ST8SIA5: variants seen among roughly 807,000 people sequenced by gnomAD.
ST8SIA5 encodes the protein ST8 alpha-N-acetyl-neuraminide alpha-2,8-sialyltransferase 5, also known as alpha-2,8-sialyltransferase 8E.
In ST8SIA5, 24 loss-of-function variants were observed where a neutral mutation model predicts 40.2. The ratio of observed to expected loss-of-function variants is 0.60; its 90% CI spans 0.43 to 0.84. The LOEUF (loss-of-function observed/expected upper bound fraction) is 0.84, where lower values mean the gene tolerates loss of function less well. Ranked by LOEUF, ST8SIA5 falls within the 40% of genes least tolerant of loss-of-function variation. The probability of loss-of-function intolerance (pLI) is 0.00; values close to 1 mark genes in which losing one functional copy is unlikely to be tolerated. For missense variants in ST8SIA5, 465 were observed against 498.5 expected, an observed-to-expected ratio of 0.93 and a Z score of 0.64; for synonymous variants, 198 against 201.8, an observed-to-expected ratio of 0.98 and a Z score of 0.16.
At chr18:46,745,109 A>C (rs1008413854) in intron 1 of ST8SIA5, among the ~76,000 whole-genome samples, 1 of 152,258 alleles carries the variant, frequency 6.6e-6, no homozygotes, top group African/African-American at 2.4e-5. Context: ...CACAAGAGAA[A>C]GCAGGAAAGA....
intron 1 of ST8SIA5, among the ~76,000 whole-genome samples, chr18:46,709,466 C>T (rs979955607): frequency 6.6e-6 from 1 of 152,154 alleles, no homozygotes; most frequent in African/African-American, 2.4e-5. Context: ...CCCAAAAGAA[C>T]TAAGATAGGA....
chr18:46,686,384 G>C, intron 4 of ST8SIA5, 98 bp from the exon 5 acceptor site: 2 of 918,728 alleles, frequency 2.2e-6, no homozygotes, highest in Non-Finnish European at 3.5e-6. Flanking sequence ...ATTAGCTCCT[G>C]GTCCCAAGAG....
intron 2 of ST8SIA5, among the ~76,000 whole-genome samples, chr18:46,695,703 T>C (rs375253528): frequency 1.6e-4 from 25 of 152,294 alleles, no homozygotes; most frequent in African/African-American, 6.0e-4. Context: ...GTAAATACCA[T>C]GGGGGCAGGG....
At chr18:46,686,538 G>A (rs1298362206) in intron 4 of ST8SIA5, among the ~76,000 whole-genome samples, 2 of 152,164 alleles carry the variant, frequency 1.3e-5, no homozygotes, top group Non-Finnish European at 2.9e-5. Context: ...TTTCCTCCTG[G>A]CACACAGCGG....
Position 46,676,410 on chromosome 18 carries a change from T to G in ST8SIA5, c.*3632A>C, listed in dbSNP as rs934860754. On this transcript the variant is annotated 3_prime_UTR_variant, in exon 7 of 7. Transcript: ENST00000315087. The stretch of plus-strand genomic sequence containing the variant: ...ACCATGCCTGGCACAACATGAGCAC[T>G]CAATAAATATAATTTATTCACCAAT... The G allele has an allele frequency of 1.3e-5, 2 of 152,266 alleles. No homozygotes were observed. Among genetic ancestry groups the G allele is most frequent in the African/African-American group, 2.4e-5 (1 of 41,474 alleles). The allele number at this position is 152,266 out of a possible 1,614,324, so 9.4% of individuals were successfully genotyped here.
chr18:46,733,669 G>C (rs2040006453), intron 1 of ST8SIA5, among the ~76,000 whole-genome samples: 1 of 152,176 alleles, frequency 6.6e-6, no homozygotes, highest in African/African-American at 2.4e-5. Flanking sequence ...GGCAGTCAGG[G>C]AGGCCTCTCT....
rs774843333 is a variant in ST8SIA5 at position 46,681,961 on chromosome 18, G to A, written c.662+11C>T. 1 of 1,613,374 alleles carries A rather than the reference G, an allele frequency of 6.2e-7. No homozygotes were observed. Among genetic ancestry groups the A allele is most frequent in the African/African-American group, 1.3e-5 (1 of 74,932 alleles). ...TTTGGACAGTGCAGCTCTAGAAAGAGGGCCACTGACCTCTCTGTGATGATG... is the reference window on the plus strand; with the variant it reads ...TTTGGACAGTGCAGCTCTAGAAAGAAGGCCACTGACCTCTCTGTGATGATG... On this transcript the variant is annotated intron_variant, in intron 6 of 6. Transcript: ENST00000315087.
chr18:46,749,789 AT>A (rs2040178999), intron 1 of ST8SIA5, among the ~76,000 whole-genome samples: 1 of 152,176 alleles, frequency 6.6e-6, no homozygotes, highest in African/African-American at 2.4e-5. Flanking sequence ...CAAAATTCCT[AT>A]GTTGAAATCG....
At chr18:46,708,812 C>G (rs746402771) in intron 1 of ST8SIA5, among the ~76,000 whole-genome samples, 1 of 152,184 alleles carries the variant, frequency 6.6e-6, no homozygotes, top group Admixed American at 6.5e-5. Context: ...CCTGCAGGGC[C>G]TCCTGTTTCT....
intron 1 of ST8SIA5, among the ~76,000 whole-genome samples, chr18:46,707,837 G>T (rs577047478): frequency 6.6e-6 from 1 of 152,300 alleles, no homozygotes; most frequent in East Asian, 1.9e-4. Flanking sequence ...GCAAGGAGAT[G>T]CTGTTTATGA....
rs1300994890 is a variant in ST8SIA5 at position 46,670,804 on chromosome 18, T to C, written c.*9238A>G. ...CTGTCGTTGAACAAGTAAACTAGTT[T>C]TGGTCTTCTTAATGCCATCACAATT... On this transcript the variant is annotated 3_prime_UTR_variant, in exon 7 of 7. Coordinates refer to ENST00000315087, the MANE Select transcript of ST8SIA5 (RefSeq NM_013305.6). 6.6e-6 allele frequency: 1 copy of C among 152,182 alleles called. No individual in the cohort carries two copies. Among genetic ancestry groups the C allele is most frequent in the African/African-American group, 2.4e-5 (1 of 41,446 alleles). 9.4% of individuals were successfully genotyped at this position (152,182 alleles called of 1,614,324 possible). A position where few individuals can be genotyped will look rare whatever the true frequency, so the allele number is the denominator to read the frequency against.
intron 2 of ST8SIA5, among the ~76,000 whole-genome samples, chr18:46,704,280 A>G (rs1054409582): frequency 2.6e-5 from 4 of 152,348 alleles, no homozygotes; most frequent in Admixed American, 6.5e-5. Context: ...AAGAGGAGCC[A>G]GTAATGATAA....
At chr18:46,740,184 T>C (rs1363767200) in intron 1 of ST8SIA5, among the ~76,000 whole-genome samples, 1 of 152,038 alleles carries the variant, frequency 6.6e-6, no homozygotes, top group South Asian at 2.1e-4. Flanking sequence ...AATTGATGAA[T>C]AGTCTGGCAA....
chr18:46,746,029 A>G (rs1239245465), intron 1 of ST8SIA5, among the ~76,000 whole-genome samples: 2 of 152,208 alleles, frequency 1.3e-5, no homozygotes, highest in Non-Finnish European at 2.9e-5. Flanking sequence ...CTTCATGCTA[A>G]AAACTCTCAA....
chr18:46,740,041 G>C (rs482351), intron 1 of ST8SIA5, among the ~76,000 whole-genome samples: 2 of 152,020 alleles, frequency 1.3e-5, no homozygotes, highest in African/African-American at 4.8e-5. Flanking sequence ...TTGATCCCAA[G>C]AACACTTCTC....
intron 1 of ST8SIA5, among the ~76,000 whole-genome samples, chr18:46,754,737 C>T (rs947527471): frequency 6.6e-6 from 1 of 152,200 alleles, no homozygotes; most frequent in Non-Finnish European, 1.5e-5. Context: ...GTTTGGTTGG[C>T]GTTTGCCATG....
chr18:46,694,000 A>G (rs2039531849), intron 2 of ST8SIA5, among the ~76,000 whole-genome samples: 1 of 152,146 alleles, frequency 6.6e-6, no homozygotes, highest in East Asian at 1.9e-4. Context: ...TTTGCGGGTG[A>G]TTCTCCTATT....
chr18:46,729,094 C>T (rs1008801069), intron 1 of ST8SIA5, among the ~76,000 whole-genome samples: 2 of 152,180 alleles, frequency 1.3e-5, no homozygotes, highest in South Asian at 4.1e-4. Flanking sequence ...CAACCTCCAA[C>T]GTCCAGCTCA....
At chr18:46,736,883 C>T (rs146696171) in intron 1 of ST8SIA5, among the ~76,000 whole-genome samples, 2 of 152,154 alleles carry the variant, frequency 1.3e-5, no homozygotes, top group African/African-American at 4.8e-5. Flanking sequence ...GGCTTACCTG[C>T]CTTATTTCCA....
Sources: gnomAD v4.1 joint callset for allele counts (sites outside exome capture counted in the v4.1 genomes callset) on GRCh38, gnomAD v4.1.1 for gene constraint, MANE v1.5 for transcripts, NCBI Gene and HGNC (gene_info 2026-07-23, HGNC 2026-07-21) for gene names.